Variants in TRAPPC13 observed in about 807,000 individuals in gnomAD.
TRAPPC13 encodes REV7-interacting novel NHEJ regulator 1.
In TRAPPC13, 39 loss-of-function variants were observed where a neutral mutation model predicts 54.0. The observed-to-expected ratio is 0.72, with a 90% CI of 0.56 to 0.94. The LOEUF (loss-of-function observed/expected upper bound fraction) is 0.94, where lower values mean the gene tolerates loss of function less well. Ranked by LOEUF, TRAPPC13 falls within the 40% of genes least tolerant of loss-of-function variation. The pLI, the probability that TRAPPC13 is intolerant of heterozygous loss-of-function variation, is 0.00. For synonymous variants in TRAPPC13, 148 were observed against 167.7 expected, an observed-to-expected ratio of 0.88 and a Z score of 0.91; for missense variants, 386 against 488.1, an observed-to-expected ratio of 0.79 and a Z score of 1.97.
At chr5:65,630,124 A>C (rs1356659082) in intron 1 of TRAPPC13, 1 of 1,536,090 alleles carries the variant, frequency 6.5e-7, no homozygotes, top group South Asian at 1.2e-5. Flanking sequence ...GTAACAGCCA[A>C]ACTCTGGAAG....
chr5:65,628,705 C>T (rs543974493), intron 1 of TRAPPC13, among the ~76,000 whole-genome samples: 17 of 152,066 alleles, frequency 1.1e-4, no homozygotes, highest in Admixed American at 2.0e-4. Flanking sequence ...CTCCTGACCT[C>T]GTGATCTGCC....
intron 8 of TRAPPC13, among the ~76,000 whole-genome samples, chr5:65,657,101 G>T (rs1756685269): frequency 6.6e-6 from 1 of 151,696 alleles, no homozygotes; most frequent in Non-Finnish European, 1.5e-5. Flanking sequence ...AAGCTCATAG[G>T]CCAGGCACAG....
At chr5:65,635,207 A>G in intron 1 of TRAPPC13, 94 bp from the exon 2 acceptor site, 2 of 1,018,158 alleles carry the variant, frequency 2.0e-6, no homozygotes, top group Non-Finnish European at 2.9e-6. Context: ...ATTTTATGTT[A>G]GTATAAAATG....
chr5:65,625,262 G>C (rs1302291818), intron 1 of TRAPPC13, 156 bp downstream of exon 1: 1 of 666,922 alleles, frequency 1.5e-6, no homozygotes, highest in East Asian at 2.7e-5. Flanking sequence ...ATTTCTCCTG[G>C]ATGCTTTTTA....
intron 1 of TRAPPC13, chr5:65,629,539 T>G (rs1561760816): frequency 2.0e-6 from 3 of 1,467,226 alleles, no homozygotes; most frequent in African/African-American, 1.4e-5. Context: ...CTCTGAGGAG[T>G]TCAACTAAGA....
intron 4 of TRAPPC13, among the ~76,000 whole-genome samples, chr5:65,644,053 T>C (rs1056259252): frequency 3.3e-5 from 5 of 152,228 alleles, no homozygotes; most frequent in Non-Finnish European, 7.3e-5. Flanking sequence ...TATTTCCTTA[T>C]GTTTTTTGAA....
chr5:65,630,160 T>C (rs1489809919), intron 1 of TRAPPC13: 1 of 1,536,052 alleles, frequency 6.5e-7, no homozygotes. Flanking sequence ...TCAATCAAAT[T>C]ATTAGGCACA....
Position 65,638,044 on chromosome 5 carries a change from A to G in TRAPPC13, c.300+264A>G, listed in dbSNP as rs1180328992. 2.0e-5 allele frequency among the ~76,000 whole-genome samples: 3 copies of G among 148,876 alleles called. No homozygotes were observed. The Admixed American group carries it at 2.0e-4, about 10-fold the overall frequency. On this transcript the variant is annotated intron_variant, in intron 4 of 12. Coordinates refer to ENST00000399438, the MANE Select transcript of TRAPPC13 (RefSeq NM_024941.4). The stretch of plus-strand genomic sequence containing the variant: ...TAAGGCAGGAGAGGCTAAGGCTTGA[A>G]CCCGGGAGGTGAAGGTTGCAGTGAG...
At chr5:65,637,631 A>AG in intron 3 of TRAPPC13, 65 bp from the exon 4 acceptor site, 2 of 222,994 alleles carry the variant, frequency 9.0e-6, no homozygotes, top group East Asian at 1.5e-4. Context: ...ACTCTGTCTC[A>AG]AAAAAAAAAA....
chr5:65,638,810 G>A (rs924949737), intron 4 of TRAPPC13, among the ~76,000 whole-genome samples: 10 of 152,178 alleles, frequency 6.6e-5, no homozygotes, highest in Admixed American at 2.0e-4. Context: ...TCAGCCAGGC[G>A]TAGTGGCTCA....
chr5:65,625,278 A>G, intron 1 of TRAPPC13, 172 bp downstream of exon 1: 3 of 618,660 alleles, frequency 4.8e-6, no homozygotes, highest in Non-Finnish European at 8.7e-6. Flanking sequence ...TTTTAGGTTT[A>G]TGGGCCCCTT....
At chr5:65,628,098 G>T (rs1755334163) in intron 1 of TRAPPC13, among the ~76,000 whole-genome samples, 2 of 152,134 alleles carry the variant, frequency 1.3e-5, no homozygotes, top group Admixed American at 1.3e-4. Context: ...GGCCTGATTA[G>T]CAAGCCTAAC....
chr5:65,649,075 A>G (rs1756315708), intron 5 of TRAPPC13, among the ~76,000 whole-genome samples: 1 of 152,052 alleles, frequency 6.6e-6, no homozygotes, highest in South Asian at 2.1e-4. Context: ...AATTAGCCAG[A>G]CATGATAGAG....
At position 65,640,682 on chromosome 5, in the gene TRAPPC13, A is replaced by T. The variant is rs538991667; in HGVS notation, c.300+2902A>T. ...TCTTGGAATTCAGTAAATACTGGCA[A>T]TTCAGTAAATTCAGTAAATATTGAA... is the stretch of plus-strand genomic sequence containing the variant. On this transcript the variant is annotated intron_variant, in intron 4 of 12. Coordinates refer to ENST00000399438, the MANE Select transcript of TRAPPC13 (RefSeq NM_024941.4). Among the ~76,000 whole-genome samples, 3 of 152,328 alleles carry T rather than the reference A, an allele frequency of 2.0e-5. No individual in the cohort carries two copies. The South Asian group carries it at 6.2e-4, about 32-fold the overall frequency.
Position 65,635,302 on chromosome 5 carries a change from G to A in TRAPPC13, c.48G>A (p.Val16=). 1 of 1,613,232 alleles carries A rather than the reference G, an allele frequency of 6.2e-7. No individual in the cohort carries two copies. The highest frequency in any genetic ancestry group is 8.5e-7 in the Non-Finnish European group (1 of 1,179,438). Residue 16 remains valine, a splice_region_variant and synonymous_variant, in exon 2 of 13, where the codon GTG becomes GTA. Coordinates refer to ENST00000399438, the MANE Select transcript of TRAPPC13 (RefSeq NM_024941.4). ...TTCTTTTACTTTTTTACTTCACAGT[G>A]ATGCGGCTGACTAAGCCTACTTTAT... The part of the protein sequence containing the change: ...PKQEHLLALK[V]MRLTKPTLFT...
At chr5:65,652,181 A>C (rs17830695) in intron 6 of TRAPPC13, among the ~76,000 whole-genome samples, 11,226 of 151,868 alleles carry the variant, frequency 0.074, 420 homozygotes, top group East Asian at 0.1. Flanking sequence ...TTTTTTTGCA[A>C]ACAGTTTTTG....
At chr5:65,632,512 T>C (rs1755586503) in intron 1 of TRAPPC13, among the ~76,000 whole-genome samples, 1 of 152,190 alleles carries the variant, frequency 6.6e-6, no homozygotes, top group Non-Finnish European at 1.5e-5. Flanking sequence ...GGCTTATAAT[T>C]AATAATTATT....
At chr5:65,626,016 G>A (rs1413279845) in intron 1 of TRAPPC13, 1 of 152,196 alleles carries the variant, frequency 6.6e-6, no homozygotes, top group Non-Finnish European at 1.5e-5. Flanking sequence ...AATGATGCCT[G>A]TGTTAGCGAG....
chr5:65,647,457 T>C (rs1232754506), intron 5 of TRAPPC13, among the ~76,000 whole-genome samples: 3 of 152,178 alleles, frequency 2.0e-5, no homozygotes, highest in African/African-American at 7.2e-5. Context: ...AAAACCCAGG[T>C]AGCACTCTAA....
Sources: allele counts gnomAD v4.1 joint callset (sites outside exome capture counted in the v4.1 genomes callset), GRCh38; gene constraint gnomAD v4.1.1; transcripts MANE v1.5; gene names NCBI Gene and HGNC (gene_info 2026-07-23, HGNC 2026-07-21).